SLC39A11: variants seen among roughly 807,000 people sequenced by gnomAD.
The protein encoded by SLC39A11 is zinc transporter ZIP11.
In SLC39A11, 33 loss-of-function variants were observed where a neutral mutation model predicts 36.1. That is an observed-to-expected ratio of 0.91 (90% CI 0.69 to 1.22). The LOEUF (loss-of-function observed/expected upper bound fraction) is 1.22, where lower values mean the gene tolerates loss of function less well. Among genes scored for constraint, SLC39A11 ranks in the 50% most tolerant of loss-of-function variants. The pLI is 0.00. For missense variants in SLC39A11, 432 were observed against 430.3 expected, an observed-to-expected ratio of 1.00 and a Z score of -0.03; for synonymous variants, 166 against 170.3, an observed-to-expected ratio of 0.97 and a Z score of 0.20.
chr17:72,763,927 G>T (rs1279612475), intron 6 of SLC39A11, among the ~76,000 whole-genome samples: 3 of 152,090 alleles, frequency 2.0e-5, no homozygotes, highest in Non-Finnish European at 4.4e-5. Flanking sequence ...CTTATATCCG[G>T]TTCCATTTTC....
intron 6 of SLC39A11, among the ~76,000 whole-genome samples, chr17:72,789,733 T>C (rs1421996811): frequency 6.6e-6 from 1 of 152,230 alleles, no homozygotes; most frequent in African/African-American, 2.4e-5. Flanking sequence ...CTTTATTATA[T>C]AGAACCTCGT....
intron 6 of SLC39A11, among the ~76,000 whole-genome samples, chr17:72,753,431 A>G (rs1202699212): frequency 6.6e-6 from 1 of 152,188 alleles, no homozygotes; most frequent in Non-Finnish European, 1.5e-5. Flanking sequence ...GAATTCTGGC[A>G]ATTATACGAT....
intron 6 of SLC39A11, among the ~76,000 whole-genome samples, chr17:72,752,976 C>T (rs2075211731): frequency 1.3e-5 from 2 of 152,100 alleles, no homozygotes; most frequent in African/African-American, 2.4e-5. Context: ...CCACCTCAGC[C>T]TCTTGAGTAG....
Position 72,692,300 on chromosome 17 carries a change from C to T in SLC39A11, c.672-43032G>A, listed in dbSNP as rs540808996. Among the ~76,000 whole-genome samples the T allele has an allele frequency of 3.1e-3, 475 of 152,302 alleles. 2 individuals are homozygous for T. Among genetic ancestry groups the T allele is most frequent in the African/African-American group, 0.011 (438 of 41,556 alleles). On this transcript the variant is annotated intron_variant, in intron 7 of 9. Coordinates refer to ENST00000255559, the MANE Select transcript of SLC39A11 (RefSeq NM_139177.4). ...GGCTCAGATTACAGGCGTGGGCTAC[C>T]GCGCCCGACCAAAATAGCGCATTTT...
chr17:72,736,460 G>C (rs1171532517), intron 7 of SLC39A11, among the ~76,000 whole-genome samples, 190 bp downstream of exon 7: 1 of 152,158 alleles, frequency 6.6e-6, no homozygotes, highest in African/African-American at 2.4e-5. Flanking sequence ...TCAGTTGAAA[G>C]ACTCCTCTCT....
intron 6 of SLC39A11, among the ~76,000 whole-genome samples, chr17:72,804,217 C>T (rs926821113): frequency 2.6e-5 from 4 of 152,078 alleles, no homozygotes; most frequent in Non-Finnish European, 5.9e-5. Flanking sequence ...AGGATGTAAA[C>T]ACTATCTTGA....
At position 72,786,814 on chromosome 17, in the gene SLC39A11, A is replaced by G. The variant is rs548892184; in HGVS notation, c.602-50095T>C. ...AGACTCTAGGCAGAGAGGCAATCCC[A>G]TATCTATTTTTCTTGTTTTTTTTGA... On this transcript the variant is annotated intron_variant, in intron 6 of 9. Transcript: ENST00000255559. Among the ~76,000 whole-genome samples, 5 of 151,694 alleles carry G rather than the reference A, an allele frequency of 3.3e-5. No homozygotes were observed. The East Asian group carries it at 5.8e-4, about 18-fold the overall frequency.
intron 4 of SLC39A11, among the ~76,000 whole-genome samples, chr17:72,971,778 A>G (rs553321648): frequency 3.9e-4 from 59 of 151,118 alleles, no homozygotes; most frequent in African/African-American, 1.4e-3. Context: ...TACAACACCA[A>G]AACTGGTTTG....
chr17:72,739,807 T>C (rs777278565), intron 6 of SLC39A11, among the ~76,000 whole-genome samples: 2 of 152,132 alleles, frequency 1.3e-5, no homozygotes, highest in Admixed American at 6.6e-5. Context: ...TTATTTACAG[T>C]GGACCCTTGA....
chr17:72,667,893 C>T (rs1305274876), intron 7 of SLC39A11, among the ~76,000 whole-genome samples: 1 of 152,224 alleles, frequency 6.6e-6, no homozygotes, highest in Non-Finnish European at 1.5e-5. Flanking sequence ...AGTACTCTCT[C>T]CCAAGTTCAC....
chr17:72,669,644 C>T (rs1313003267), intron 7 of SLC39A11, among the ~76,000 whole-genome samples: 1 of 152,162 alleles, frequency 6.6e-6, no homozygotes, highest in Non-Finnish European at 1.5e-5. Flanking sequence ...GGTTTCTCCA[C>T]TATGAAGCCA....
chr17:72,683,979 G>A (rs1477352629), intron 7 of SLC39A11, among the ~76,000 whole-genome samples: 1 of 152,132 alleles, frequency 6.6e-6, no homozygotes, highest in Non-Finnish European at 1.5e-5. Flanking sequence ...GCTAGTGGAG[G>A]GGCTCTTTAA....
At chr17:73,085,846 C>A (rs1470938406) in intron 2 of SLC39A11, among the ~76,000 whole-genome samples, 1 of 152,028 alleles carries the variant, frequency 6.6e-6, no homozygotes, top group Non-Finnish European at 1.5e-5. Flanking sequence ...AGAAACTACC[C>A]AAACTCTCAC....
chr17:72,990,448 C>T (rs1444751686), intron 4 of SLC39A11, among the ~76,000 whole-genome samples: 1 of 152,154 alleles, frequency 6.6e-6, no homozygotes, highest in Non-Finnish European at 1.5e-5. Flanking sequence ...GATGGAGTCT[C>T]CCTCTGTTGC....
intron 5 of SLC39A11, among the ~76,000 whole-genome samples, chr17:72,905,209 G>A (rs1300894221): frequency 7.1e-6 from 1 of 140,244 alleles, no homozygotes; most frequent in South Asian, 2.2e-4. Context: ...GATAGCACAG[G>A]CCATGATTCT....
At position 72,714,313 on chromosome 17, in the gene SLC39A11, G is replaced by A. The variant is rs1188018384; in HGVS notation, c.671+22337C>T. Among the ~76,000 whole-genome samples the A allele has an allele frequency of 4.6e-5, 7 of 152,054 alleles. No individual in the cohort carries two copies. The East Asian group carries it at 7.7e-4, about 17-fold the overall frequency. The stretch of plus-strand genomic sequence containing the variant: ...GGAGGTTGCAGTGAGCTGAGATCAC[G>A]CCACTGCACTCCAGCCTGGGTAACA... On this transcript the variant is annotated intron_variant, in intron 7 of 9. Coordinates refer to ENST00000255559, the MANE Select transcript of SLC39A11 (RefSeq NM_139177.4).
chr17:72,650,571 G>A (rs763743098), intron 7 of SLC39A11, among the ~76,000 whole-genome samples: 59 of 152,148 alleles, frequency 3.9e-4, no homozygotes, highest in East Asian at 1.9e-4. Flanking sequence ...TACCTTGGCC[G>A]GACAGTTCCA....
intron 6 of SLC39A11, among the ~76,000 whole-genome samples, chr17:72,827,464 G>A (rs551301481): frequency 6.6e-6 from 1 of 152,142 alleles, no homozygotes; most frequent in African/African-American, 2.4e-5. Context: ...TCATTAAACT[G>A]TACACTTCAA....
chr17:72,803,447 C>A (rs1365064095), intron 6 of SLC39A11, among the ~76,000 whole-genome samples: 1 of 152,252 alleles, frequency 6.6e-6, no homozygotes, highest in Non-Finnish European at 1.5e-5. Context: ...GCAGGAGGTA[C>A]AAAGGACCTG....
Sources: allele counts gnomAD v4.1 joint callset (sites outside exome capture counted in the v4.1 genomes callset), GRCh38; gene constraint gnomAD v4.1.1; transcripts MANE v1.5; gene names NCBI Gene and HGNC (gene_info 2026-07-23, HGNC 2026-07-21).